ABCA12: variants seen among roughly 807,000 people sequenced by gnomAD.
The protein encoded by ABCA12 is glucosylceramide transporter ABCA12.
ABCA12 carries 156 observed loss-of-function variants against 293.5 expected under a neutral mutation model. That is an observed-to-expected ratio of 0.53 (90% CI 0.47 to 0.61). The LOEUF (loss-of-function observed/expected upper bound fraction) is 0.61. Ranked by LOEUF, ABCA12 falls within the 20% of genes least tolerant of loss-of-function variation. The pLI is 0.00. For missense variants in ABCA12, 2,797 were observed against 3,090.2 expected, an observed-to-expected ratio of 0.91 and a Z score of 2.25; for synonymous variants, 1,063 against 1,108.0, an observed-to-expected ratio of 0.96 and a Z score of 0.81.
chr2:214,950,807 T>C, intron 45 of ABCA12, 72 bp downstream of exon 45: 1 of 1,522,366 alleles, frequency 6.6e-7, no homozygotes, highest in Non-Finnish European at 9.1e-7. Context: ...ACCTGGCCAA[T>C]AATTAAGATT....
At chr2:214,986,085 T>G (rs533847526) in intron 28 of ABCA12, among the ~76,000 whole-genome samples, 8 of 152,176 alleles carry the variant, frequency 5.3e-5, no homozygotes, top group Non-Finnish European at 7.3e-5. Context: ...TATATCAGGA[T>G]GCAAAATTTC....
chr2:214,954,239 T>A, intron 43 of ABCA12, 132 bp from the exon 44 acceptor site: 1 of 901,524 alleles, frequency 1.1e-6, no homozygotes, highest in Non-Finnish European at 1.7e-6. Flanking sequence ...ATTTCCCATA[T>A]AGGCTGAATT....
rs554223860 is a variant in ABCA12 at position 214,998,558 on chromosome 2, T to C, written c.3180-749A>G. On this transcript the variant is annotated intron_variant, in intron 22 of 52. Transcript: ENST00000272895. ...GGTATAGAAATGTCTATTTTGATGA[T>C]GTGCTCAACTAGAGAATCACTGGAA... 1.3e-4 allele frequency among the ~76,000 whole-genome samples: 20 copies of C among 152,338 alleles called. No individual in the cohort carries two copies. The South Asian group carries it at 3.7e-3, about 28-fold the overall frequency.
intron 21 of ABCA12, 96 bp downstream of exon 21, chr2:215,001,462 C>T: frequency 1.3e-6 from 2 of 1,499,190 alleles, no homozygotes; most frequent in South Asian, 1.1e-5. Context: ...AGGACCCCCA[C>T]ACTAGTTTTC....
At chr2:214,937,021 T>C (rs1698241567) in intron 51 of ABCA12, among the ~76,000 whole-genome samples, 1 of 152,164 alleles carries the variant, frequency 6.6e-6, no homozygotes, top group South Asian at 2.1e-4. Context: ...TGCTATTTGT[T>C]CATACTAAGT....
rs568021509 is a variant in ABCA12 at position 215,028,049 on chromosome 2, C to T, written c.1062-1111G>A. 1.9e-3 allele frequency among the ~76,000 whole-genome samples: 291 copies of T among 152,288 alleles called. 1 individual carries two copies. The highest frequency in any genetic ancestry group is 6.4e-3 in the African/African-American group (265 of 41,554). On this transcript the variant is annotated intron_variant, in intron 9 of 52. Coordinates refer to ENST00000272895, the MANE Select transcript of ABCA12 (RefSeq NM_173076.3). ...CTCTATTTATTTTGTAACTTCTTTC[C>T]TTAGTGTCTACTATTGAATTTTATG...
chr2:215,063,674 T>C (rs1701580171), intron 3 of ABCA12, among the ~76,000 whole-genome samples: 1 of 152,026 alleles, frequency 6.6e-6, no homozygotes, highest in Admixed American at 6.6e-5. Context: ...GTATCACACA[T>C]GGTAGTACCA....
intron 36 of ABCA12, 108 bp from the exon 37 acceptor site, chr2:214,970,508 T>C: frequency 2.4e-6 from 3 of 1,254,624 alleles, no homozygotes. Context: ...CTGCAACTGG[T>C]AGAGTGTGAT....
intron 3 of ABCA12, among the ~76,000 whole-genome samples, chr2:215,063,614 G>C (rs1191352217): frequency 7.2e-6 from 1 of 139,272 alleles, no homozygotes; most frequent in Non-Finnish European, 1.6e-5. Flanking sequence ...TTGAATTTCA[G>C]GACGCTTAAT....
At chr2:215,135,344 C>T (rs550220523) in intron 1 of ABCA12, among the ~76,000 whole-genome samples, 4 of 152,254 alleles carry the variant, frequency 2.6e-5, no homozygotes, top group African/African-American at 9.6e-5. Context: ...TTTTCCTTTG[C>T]TTTTTTCATG....
rs930209579 is a variant in ABCA12, at chr2:215,068,506, T to C, written c.164-4287A>G. Among the ~76,000 whole-genome samples, 6 of 152,150 alleles carry C rather than the reference T, an allele frequency of 3.9e-5. 1 individual carries two copies. The highest frequency in any genetic ancestry group is 8.8e-5 in the Non-Finnish European group (6 of 68,030). ...CCACAGGCTGTAGTTTGCTGACTCC[T>C]GGAAGGATAGCCTTTCTTACAGGCA... is the stretch of plus-strand genomic sequence containing the variant. On this transcript the variant is annotated intron_variant, in intron 2 of 52. Transcript: ENST00000272895.
chr2:215,044,827 T>C (rs1006479360), intron 7 of ABCA12, among the ~76,000 whole-genome samples: 1 of 152,170 alleles, frequency 6.6e-6, no homozygotes, highest in Non-Finnish European at 1.5e-5. Context: ...TATTATAAGG[T>C]CTTTGAATAG....
chr2:215,131,711 T>G (rs376223200), intron 1 of ABCA12, among the ~76,000 whole-genome samples: 24,413 of 146,372 alleles, frequency 0.17, 2,531 homozygotes, highest in African/African-American at 0.25. Flanking sequence ...TGTTTTTTTT[T>G]TTTTTTTTTT....
chr2:215,019,720 A>T lies in ABCA12; in HGVS notation c.1364T>A (p.Leu455His), dbSNP rs1700585152. The T allele has an allele frequency of 6.2e-7, 1 of 1,614,082 alleles. No individual in the cohort carries two copies. The highest frequency in any genetic ancestry group is 1.3e-5 in the African/African-American group (1 of 74,948). Residue 455 changes from leucine to histidine, a missense_variant, in exon 12 of 53, where the codon CTC (leucine) becomes CAC (histidine). Leu to His is a moderately conservative substitution (Grantham distance 99). Coordinates refer to ENST00000272895, the MANE Select transcript of ABCA12 (RefSeq NM_173076.3). ...CAGGCTCCCAAAGCTCATATCAGAG[A>T]GCTGGCATGACTTCTCTATCAAACT... ...TFSLIEKSCQ[L>H]SDMSFGSLCE...
chr2:215,030,535 C>T (rs910603733), intron 9 of ABCA12, among the ~76,000 whole-genome samples: 3 of 149,934 alleles, frequency 2.0e-5, no homozygotes, highest in East Asian at 2.0e-4. Context: ...AGCCGGGAGG[C>T]GGAGCTTGCA....
At chr2:215,066,502 C>A (rs1438450450) in intron 2 of ABCA12, among the ~76,000 whole-genome samples, 1 of 152,034 alleles carries the variant, frequency 6.6e-6, no homozygotes, top group Non-Finnish European at 1.5e-5. Context: ...TCCAAATTAC[C>A]TTTCCTGGCA....
intron 2 of ABCA12, among the ~76,000 whole-genome samples, chr2:215,078,277 C>G (rs1224096315): frequency 6.6e-6 from 1 of 152,182 alleles, no homozygotes; most frequent in African/African-American, 2.4e-5. Flanking sequence ...CCCATTCATT[C>G]CCCTTGACTC....
intron 1 of ABCA12, among the ~76,000 whole-genome samples, chr2:215,137,738 C>T (rs536750951): frequency 6.6e-6 from 1 of 152,298 alleles, no homozygotes; most frequent in South Asian, 2.1e-4. Flanking sequence ...TTTCAGTTTT[C>T]CAGTATATTT....
At chr2:215,083,798 G>C (rs1203724295) in intron 2 of ABCA12, among the ~76,000 whole-genome samples, 1 of 152,084 alleles carries the variant, frequency 6.6e-6, no homozygotes, top group Non-Finnish European at 1.5e-5. Context: ...AAGCTAAGTG[G>C]CATGTCATGC....
Sources: gnomAD v4.1 joint callset for allele counts (sites outside exome capture counted in the v4.1 genomes callset) on GRCh38, gnomAD v4.1.1 for gene constraint, MANE v1.5 for transcripts, NCBI Gene and HGNC (gene_info 2026-07-23, HGNC 2026-07-21) for gene names.